The following ASIC2 variants were observed in gnomAD, a reference collection of about 807,000 sequenced individuals.
ASIC2 encodes the protein acid sensing ion channel subunit 2, also known as acid-sensing ion channel 2.
A neutral mutation model predicts 57.3 loss-of-function variants in ASIC2; 25 were observed. That is an observed-to-expected ratio of 0.44 (90% CI 0.32 to 0.61). ASIC2 has a LOEUF of 0.61. ASIC2 is among the 20% of genes least tolerant of loss of function. ASIC2 has a pLI of 0.06. For synonymous variants in ASIC2, 319 were observed against 307.5 expected, an observed-to-expected ratio of 1.04 and a Z score of -0.39; for missense variants, 641 against 738.1, an observed-to-expected ratio of 0.87 and a Z score of 1.52.
chr17:34,122,304 G>GAAGGGGCAC (rs1308759983), intron 1 of ASIC2, among the ~76,000 whole-genome samples: 1 of 152,190 alleles, frequency 6.6e-6, no homozygotes, highest in Non-Finnish European at 1.5e-5. Flanking sequence ...GCAAGTGGCA[G>GAAGGGGCAC]AAGGGGCACA....
chr17:33,032,141 A>G (rs539421118), intron 3 of ASIC2, among the ~76,000 whole-genome samples: 2 of 152,254 alleles, frequency 1.3e-5, no homozygotes, highest in African/African-American at 4.8e-5. Context: ...TGAAGTTATC[A>G]TGTTGTTCTT....
intron 1 of ASIC2, among the ~76,000 whole-genome samples, chr17:34,122,593 A>G (rs540963943): frequency 6.6e-6 from 1 of 152,352 alleles, no homozygotes; most frequent in East Asian, 1.9e-4. Flanking sequence ...CAAATGTTAT[A>G]AACACTAGCA....
intron 1 of ASIC2, among the ~76,000 whole-genome samples, chr17:33,489,260 G>A (rs570076047): frequency 1.3e-5 from 2 of 152,304 alleles, no homozygotes; most frequent in South Asian, 4.1e-4. Flanking sequence ...TGTGCTGAGA[G>A]TTTTACACAC....
chr17:33,502,903 C>A (rs1478537015), intron 1 of ASIC2, among the ~76,000 whole-genome samples: 1 of 152,108 alleles, frequency 6.6e-6, no homozygotes, highest in Non-Finnish European at 1.5e-5. Flanking sequence ...GAGACTCTTA[C>A]CCTAGAATTA....
chr17:33,756,702 C>T (rs1044915118), intron 1 of ASIC2, among the ~76,000 whole-genome samples: 67 of 71,200 alleles, frequency 9.4e-4, no homozygotes, highest in African/African-American at 2.0e-3. Flanking sequence ...TAGAGAACCT[C>T]TTTAAGAAGG....
chr17:33,849,473 G>T (rs73288626), intron 1 of ASIC2, among the ~76,000 whole-genome samples: 3,029 of 152,238 alleles, frequency 0.02, 89 homozygotes, highest in African/African-American at 0.069. Context: ...ACTAAACCAG[G>T]ATCCAAGCCT....
At chr17:34,054,380 T>C (rs937566246) in intron 1 of ASIC2, among the ~76,000 whole-genome samples, 1 of 152,230 alleles carries the variant, frequency 6.6e-6, no homozygotes, top group Admixed American at 6.5e-5. Flanking sequence ...CCATGAAACA[T>C]GTTAATGCAG....
At chr17:33,616,376 C>T (rs147485160) in intron 1 of ASIC2, among the ~76,000 whole-genome samples, 4 of 152,240 alleles carry the variant, frequency 2.6e-5, no homozygotes, top group East Asian at 3.9e-4. Context: ...CCAGTGTATA[C>T]GATATATGCA....
chr17:33,574,284 CCT>C (rs1916547524), intron 1 of ASIC2, among the ~76,000 whole-genome samples: 2 of 152,184 alleles, frequency 1.3e-5, no homozygotes, highest in African/African-American at 4.8e-5. Context: ...TTTGCATTCC[CCT>C]GATGATCCAC....
intron 1 of ASIC2, among the ~76,000 whole-genome samples, chr17:33,857,168 C>T (rs1159325830): frequency 2.0e-5 from 3 of 152,094 alleles, no homozygotes; most frequent in African/African-American, 4.8e-5. Flanking sequence ...ACTCTAGTTC[C>T]CCATGCCCTC....
intron 1 of ASIC2, among the ~76,000 whole-genome samples, chr17:33,625,217 ATCTATCTG>A (rs989487620): frequency 1.3e-5 from 2 of 151,674 alleles, no homozygotes; most frequent in African/African-American, 4.8e-5. Context: ...CTATCTATCT[ATCTATCTG>A]TCTATCTATC....
chr17:34,044,349 G>A (rs530153139), intron 1 of ASIC2, among the ~76,000 whole-genome samples: 45 of 152,240 alleles, frequency 3.0e-4, no homozygotes, highest in Admixed American at 2.7e-3. Flanking sequence ...CCAATAACAT[G>A]ATTCTAATGA....
chr17:33,033,339 A>G (rs2091893721), intron 3 of ASIC2, among the ~76,000 whole-genome samples: 1 of 152,136 alleles, frequency 6.6e-6, no homozygotes, highest in African/African-American at 2.4e-5. Flanking sequence ...AACAGGCAGG[A>G]TCTGCCTTCC....
At chr17:34,113,016 G>A (rs1299856874) in intron 1 of ASIC2, among the ~76,000 whole-genome samples, 1 of 152,132 alleles carries the variant, frequency 6.6e-6, no homozygotes, top group Non-Finnish European at 1.5e-5. Context: ...ACATTCATCA[G>A]GGGCTAAGCA....
chr17:34,126,685 ACT>A (rs1352203300), intron 1 of ASIC2, among the ~76,000 whole-genome samples: 2 of 152,100 alleles, frequency 1.3e-5, no homozygotes, highest in African/African-American at 4.8e-5. Flanking sequence ...AGGTTCTCTG[ACT>A]CTGAACGAAG....
At chr17:33,825,700 C>G (rs1034899564) in intron 1 of ASIC2, among the ~76,000 whole-genome samples, 1 of 152,124 alleles carries the variant, frequency 6.6e-6, no homozygotes, top group African/African-American at 2.4e-5. Context: ...TTAAAGACCT[C>G]AAAACTATAA....
At chr17:33,125,826 C>T (rs985097583) in intron 1 of ASIC2, among the ~76,000 whole-genome samples, 2 of 152,232 alleles carry the variant, frequency 1.3e-5, no homozygotes, top group Admixed American at 1.3e-4. Flanking sequence ...CACATCAGTT[C>T]ACCCTACAGC....
At chr17:34,128,596 C>A (rs1911858264) in intron 1 of ASIC2, among the ~76,000 whole-genome samples, 1 of 152,212 alleles carries the variant, frequency 6.6e-6, no homozygotes, top group Non-Finnish European at 1.5e-5. Flanking sequence ...AGTCCCTGCT[C>A]TGCCTACCCC....
chr17:33,305,550 T>C (rs1350947544), intron 1 of ASIC2, among the ~76,000 whole-genome samples: 1 of 152,092 alleles, frequency 6.6e-6, no homozygotes, highest in African/African-American at 2.4e-5. Flanking sequence ...CTAAAAAACA[T>C]AAAAAAGATG....
Sources: allele counts gnomAD v4.1 joint callset (sites outside exome capture counted in the v4.1 genomes callset), GRCh38; gene constraint gnomAD v4.1.1; transcripts MANE v1.5; gene names NCBI Gene and HGNC (gene_info 2026-07-23, HGNC 2026-07-21).